The following CASK variants were observed in gnomAD, a reference collection of about 807,000 sequenced individuals.
CASK encodes the protein calcium/calmodulin dependent serine protein kinase.
Under a neutral mutation model 82.9 loss-of-function variants are expected in CASK, and 4 were observed. The ratio of observed to expected loss-of-function variants is 0.05; its 90% CI spans 0.02 to 0.11. The LOEUF is 0.11. Among genes scored for constraint, CASK ranks in the 10% least tolerant of loss-of-function variants. The pLI, the probability that CASK is intolerant of heterozygous loss-of-function variation, is 1.00. For synonymous variants in CASK, 259 were observed against 253.5 expected, an observed-to-expected ratio of 1.02 and a Z score of -0.20; for missense variants, 358 against 720.9, an observed-to-expected ratio of 0.50 and a Z score of 5.76.
rs2068256259 is a variant in CASK, at chrX:41,726,125, T to A, written c.429+13259A>T. On this transcript the variant is annotated intron_variant, in intron 5 of 26. Transcript: ENST00000378163. ...AACATACCCGGTCTAGTTTTTGTATTTTTTATAGAGACAGGGTCTCGCTAT... is the reference window on the plus strand; with the variant it reads ...AACATACCCGGTCTAGTTTTTGTATATTTTATAGAGACAGGGTCTCGCTAT... 2.7e-5 allele frequency among the ~76,000 whole-genome samples: 3 copies of A among 112,059 alleles called. No individual in the cohort carries two copies. The Admixed American group carries it at 2.8e-4, about 11-fold the overall frequency.
At chrX:41,587,386 C>A (rs781009745) in intron 13 of CASK, 3 of 119,301 alleles carry the variant, frequency 2.5e-5, no homozygotes, top group Non-Finnish European at 5.2e-5. Flanking sequence ...ACTGCCAATT[C>A]CCTTTAGAAA....
At chrX:41,918,718 C>T (rs1257931617) in intron 1 of CASK, among the ~76,000 whole-genome samples, 2 of 112,692 alleles carry the variant, frequency 1.8e-5, no homozygotes, top group East Asian at 2.8e-4. Context: ...AGCCATTTAG[C>T]TTCAATACCT....
In CASK at chrX:41,629,741, T is replaced by C. The variant is rs781646377; in HGVS notation, c.916-3038A>G. On this transcript the variant is annotated intron_variant, in intron 9 of 26. Coordinates refer to ENST00000378163, the MANE Select transcript of CASK (RefSeq NM_001367721.1). The stretch of plus-strand genomic sequence containing the variant: ...TTTGCTATGTTCTAATAAAACTTTA[T>C]ATACAAGAATAGGCAGTGGGTTGGA... Among the ~76,000 whole-genome samples, 3 of 112,202 alleles carry C rather than the reference T, an allele frequency of 2.7e-5. No homozygotes were observed. The South Asian group carries it at 1.1e-3, about 41-fold the overall frequency.
intron 21 of CASK, among the ~76,000 whole-genome samples, chrX:41,550,741 A>T (rs1489533914): frequency 9.2e-6 from 1 of 108,761 alleles, no homozygotes; most frequent in Non-Finnish European, 1.9e-5. Flanking sequence ...TACAAAAAAA[A>T]AAAAAAGAAA....
intron 26 of CASK, chrX:41,522,857 C>A (rs748497474): frequency 1.8e-5 from 2 of 112,742 alleles, no homozygotes; most frequent in South Asian, 7.3e-4. Context: ...TTGACTCACA[C>A]GTGAGCAGGG....
At chrX:41,632,370 A>G (rs1040326225) in intron 9 of CASK, among the ~76,000 whole-genome samples, 2 of 111,351 alleles carry the variant, frequency 1.8e-5, no homozygotes, top group African/African-American at 3.3e-5. Context: ...TTCCTGGTTG[A>G]CCTATCAAAA....
At chrX:41,632,950 G>A (rs1429418521) in intron 9 of CASK, among the ~76,000 whole-genome samples, 2 of 107,306 alleles carry the variant, frequency 1.9e-5, no homozygotes, top group Non-Finnish European at 3.8e-5. Flanking sequence ...GGCTGAGGCA[G>A]GATAATCACT....
At chrX:41,726,233 A>G (rs1023907192) in intron 5 of CASK, among the ~76,000 whole-genome samples, 6 of 112,734 alleles carry the variant, frequency 5.3e-5, no homozygotes, top group African/African-American at 1.9e-4. Context: ...ACAGGTGCAG[A>G]GCCACCACAT....
At chrX:41,851,407 G>A (rs2071264260) in intron 2 of CASK, among the ~76,000 whole-genome samples, 1 of 111,679 alleles carries the variant, frequency 9.0e-6, no homozygotes, top group African/African-American at 3.3e-5. Context: ...CCAGGTATAT[G>A]AACTATATAC....
chrX:41,598,475 CT>C (rs2065853737), intron 12 of CASK, among the ~76,000 whole-genome samples: 1 of 111,109 alleles, frequency 9.0e-6, no homozygotes. Context: ...CCTTAGCCTC[CT>C]GAGTAGATGG....
intron 1 of CASK, among the ~76,000 whole-genome samples, chrX:41,854,255 C>CACAT (rs1278614225): frequency 9.1e-6 from 1 of 110,196 alleles, no homozygotes; most frequent in Non-Finnish European, 1.9e-5. Flanking sequence ...CACACACACA[C>CACAT]ACACACACAC....
intron 2 of CASK, among the ~76,000 whole-genome samples, chrX:41,822,557 C>CAAAAAAAAAAAAAAAAAAAAAAAAAA (rs61374081): frequency 2.0e-5 from 1 of 50,671 alleles, no homozygotes; most frequent in Non-Finnish European, 3.2e-5. Context: ...GACTCCGTCT[C>CAAAAAAAAAAAAAAAAAAAAAAAAAA]AAAAAAAAAA....
chrX:41,528,955 C>G (rs2064755274), intron 25 of CASK, among the ~76,000 whole-genome samples: 1 of 112,309 alleles, frequency 8.9e-6, no homozygotes, highest in Admixed American at 9.4e-5. Flanking sequence ...ATTGTGAGAC[C>G]AGGACTGGCA....
At chrX:41,868,788 G>C (rs987055648) in intron 1 of CASK, among the ~76,000 whole-genome samples, 1 of 111,282 alleles carries the variant, frequency 9.0e-6, no homozygotes, top group African/African-American at 3.3e-5. Flanking sequence ...AGGCATAAAG[G>C]GTTGTGTCTG....
intron 12 of CASK, among the ~76,000 whole-genome samples, chrX:41,595,203 G>A (rs1206746207): frequency 8.9e-6 from 1 of 112,556 alleles, no homozygotes; most frequent in Non-Finnish European, 1.9e-5. Context: ...TGCATGTGCA[G>A]TTAAAAACTT....
chrX:41,609,793 C>T (rs2066016598), intron 12 of CASK, 111 bp downstream of exon 12: 3 of 790,736 alleles, frequency 3.8e-6, no homozygotes, highest in Non-Finnish European at 1.9e-6. Context: ...TCCTGACCTC[C>T]TGATACGCCC....
chrX:41,665,749 T>G (rs1239066759), intron 6 of CASK: 1 of 295,009 alleles, frequency 3.4e-6, no homozygotes, highest in Non-Finnish European at 5.9e-6. Flanking sequence ...CATGAAGAAG[T>G]TTAAATTTTC....
chrX:41,536,940 T>A (rs1266644133), intron 22 of CASK, among the ~76,000 whole-genome samples: 1 of 111,794 alleles, frequency 8.9e-6, no homozygotes. Flanking sequence ...AGAAAAAGTA[T>A]GCTTACAGAA....
At chrX:41,710,094 T>TGC (rs1329088201) in intron 5 of CASK, among the ~76,000 whole-genome samples, 2 of 100,229 alleles carry the variant, frequency 2.0e-5, no homozygotes, top group African/African-American at 7.5e-5. Context: ...TGTGTGTGTG[T>TGC]GTGTGTGTGT....
Sources: gnomAD v4.1 joint callset for allele counts (sites outside exome capture counted in the v4.1 genomes callset) on GRCh38, gnomAD v4.1.1 for gene constraint, MANE v1.5 for transcripts, NCBI Gene and HGNC (gene_info 2026-07-23, HGNC 2026-07-21) for gene names.